AGAP1: variants seen among roughly 807,000 people sequenced by gnomAD.
AGAP1 encodes arf-GAP with GTPase, ANK repeat and PH domain-containing protein 1.
A neutral mutation model predicts 105.3 loss-of-function variants in AGAP1; 29 were observed. That is an observed-to-expected ratio of 0.28 (90% CI 0.21 to 0.38). The LOEUF (loss-of-function observed/expected upper bound fraction) is 0.38. Among genes scored for constraint, AGAP1 ranks in the 10% least tolerant of loss-of-function variants. The pLI is 1.00. For synonymous variants in AGAP1, 509 were observed against 485.9 expected (o/e 1.05, Z -0.63); for missense variants, 998 against 1,165.1 (o/e 0.86, Z 2.09).
Position 235,989,147 on chromosome 2 carries a change from G to T in AGAP1, c.1645+20524G>T, listed in dbSNP as rs910005453. 6.6e-6 allele frequency among the ~76,000 whole-genome samples: 1 copy of T among 152,192 alleles called. No homozygotes were observed. The highest frequency in any genetic ancestry group is 1.9e-4 in the East Asian group (1 of 5,188). ...TGGTTGTTGTTATTTAAAACTGCAA[G>T]ACGTAGGCAATACCAGGTCTTAACA... is the stretch of plus-strand genomic sequence containing the variant. On this transcript the variant is annotated intron_variant, in intron 13 of 17. Coordinates refer to ENST00000304032, the MANE Select transcript of AGAP1 (RefSeq NM_001037131.3). This position sits in a 1 kb window ranked among gnomAD's most constrained non-coding sequence, Gnocchi z 4.4.
rs1260946097 is a variant in AGAP1, at chr2:235,965,247, G to A, written c.1484-3215G>A. On this transcript the variant is annotated intron_variant, in intron 12 of 17. Coordinates refer to ENST00000304032, the MANE Select transcript of AGAP1 (RefSeq NM_001037131.3). The surrounding 1 kb of genome is among the most constrained non-coding windows in gnomAD (Gnocchi z 5.8). ...TTGGGAGCCGGCTGCCGGGAAGAGA[G>A]GGTCAGGTAGAGCCAAGCCTGGAAC... is the stretch of plus-strand genomic sequence containing the variant. 6.6e-6 allele frequency among the ~76,000 whole-genome samples: 1 copy of A among 152,180 alleles called. No individual in the cohort carries two copies. The highest frequency in any genetic ancestry group is 1.5e-5 in the Non-Finnish European group (1 of 68,036).
rs534154925 is a variant in AGAP1, at chr2:235,552,920, C to T, written c.163+58071C>T. 8.5e-5 allele frequency among the ~76,000 whole-genome samples: 13 copies of T among 152,284 alleles called. No individual in the cohort carries two copies. In the South Asian group the frequency reaches 1.9e-3, roughly 22 times the overall value. ...GCAGAGAGGCAGCGCCTGCCTTGGTCGTAACTTCTCACACACATACATCCA... is the reference window on the plus strand; with the variant it reads ...GCAGAGAGGCAGCGCCTGCCTTGGTTGTAACTTCTCACACACATACATCCA... On this transcript the variant is annotated intron_variant, in intron 1 of 17. Coordinates refer to ENST00000304032, the MANE Select transcript of AGAP1 (RefSeq NM_001037131.3). The surrounding 1 kb of genome is among the most constrained non-coding windows in gnomAD (Gnocchi z 5.9).
rs551527970 is a variant in AGAP1 at position 236,115,301 on chromosome 2, A to G, written c.2115-4891A>G. ...AATGCGTGATCCCAAATCCCAAAAC[A>G]GCCCTGCCTTGTGTAGATGTCACTG... On this transcript the variant is annotated intron_variant, in intron 16 of 17. Transcript: ENST00000304032. 5.1e-4 allele frequency among the ~76,000 whole-genome samples: 78 copies of G among 152,326 alleles called. 1 individual carries two copies. The highest frequency in any genetic ancestry group is 1.8e-3 in the African/African-American group (76 of 41,584).
intron 1 of AGAP1, among the ~76,000 whole-genome samples, chr2:235,643,466 A>T (rs563929494): frequency 4.0e-5 from 6 of 148,960 alleles, no homozygotes; most frequent in Admixed American, 2.0e-4. Flanking sequence ...AAAAAGAAAG[A>T]AAGTTTAAAG....
rs1957025597 is a variant in AGAP1 at position 235,792,285 on chromosome 2, AC to A, written c.674-5471del. Among the ~76,000 whole-genome samples, 1 of 151,024 alleles carries A rather than the reference AC, an allele frequency of 6.6e-6. No homozygotes were observed. The highest frequency in any genetic ancestry group is 1.5e-5 in the Non-Finnish European group (1 of 67,772). ...TAGTTCTCTGCCCCCACTTTTCCCCACCCTTCACGTGTCATCTGGTCCCCCA... is the reference window on the plus strand; with the variant it reads ...TAGTTCTCTGCCCCCACTTTTCCCCACCTTCACGTGTCATCTGGTCCCCCA... On this transcript the variant is annotated intron_variant, in intron 6 of 17. Transcript: ENST00000304032. The surrounding 1 kb of genome is among the most constrained non-coding windows in gnomAD (Gnocchi z 5.3).
rs2049477795 is a variant in AGAP1, at chr2:235,872,145, G to C, written c.1051-11200G>C. On this transcript the variant is annotated intron_variant, in intron 9 of 17. Coordinates refer to ENST00000304032, the MANE Select transcript of AGAP1 (RefSeq NM_001037131.3). The surrounding 1 kb of genome is among the most constrained non-coding windows in gnomAD (Gnocchi z 4.5). ...AGGTGTCATATCAATTCCTGTCCAT[G>C]AAATGAGGATAATCAATGACCATCT... Among the ~76,000 whole-genome samples, 1 of 152,194 alleles carries C rather than the reference G, an allele frequency of 6.6e-6. No homozygotes were observed. The highest frequency in any genetic ancestry group is 2.1e-4 in the South Asian group (1 of 4,830).
chr2:235,939,336 G>T (rs1231993455), intron 12 of AGAP1, among the ~76,000 whole-genome samples: 1 of 151,938 alleles, frequency 6.6e-6, no homozygotes, highest in African/African-American at 2.4e-5. Context: ...TGTATGATCT[G>T]TTCCTGCTTG....
chr2:235,620,782 C>T lies in AGAP1; in HGVS notation c.164-88397C>T, dbSNP rs573572440. On this transcript the variant is annotated intron_variant, in intron 1 of 17. Transcript: ENST00000304032. This position sits in a 1 kb window ranked among gnomAD's most constrained non-coding sequence, Gnocchi z 4.5. ...CAATGCTAGGCCCTTTGTCGATGTTCGTTAGGCATGCAGGTGAACAAGTGA... is the reference window on the plus strand; with the variant it reads ...CAATGCTAGGCCCTTTGTCGATGTTTGTTAGGCATGCAGGTGAACAAGTGA... Among the ~76,000 whole-genome samples, 18 of 152,330 alleles carry T rather than the reference C, an allele frequency of 1.2e-4. No homozygotes were observed. Among genetic ancestry groups the T allele is most frequent in the Non-Finnish European group, 2.1e-4 (14 of 68,038 alleles).
Position 235,936,545 on chromosome 2 carries a change from A to G in AGAP1, c.1483+5622A>G, listed in dbSNP as rs191687964. On this transcript the variant is annotated intron_variant, in intron 12 of 17. Coordinates refer to ENST00000304032, the MANE Select transcript of AGAP1 (RefSeq NM_001037131.3). The surrounding 1 kb of genome is among the most constrained non-coding windows in gnomAD (Gnocchi z 4.7). ...TGTCCCACACTTACTTTCGGAGCCAATGCATTTGAACCACACTTTCCAGCA... is the reference window on the plus strand; with the variant it reads ...TGTCCCACACTTACTTTCGGAGCCAGTGCATTTGAACCACACTTTCCAGCA... Among the ~76,000 whole-genome samples the G allele has an allele frequency of 7.9e-4, 121 of 152,284 alleles. No individual in the cohort carries two copies. The highest frequency in any genetic ancestry group is 4.4e-3 in the South Asian group (21 of 4,822).
intron 12 of AGAP1, among the ~76,000 whole-genome samples, chr2:235,946,234 TTATG>T (rs2053494143): frequency 6.7e-6 from 1 of 149,942 alleles, no homozygotes; most frequent in Non-Finnish European, 1.5e-5. Context: ...GTGTGTGTGG[TTATG>T]TGTTTATTCC....
chr2:235,842,417 G>A lies in AGAP1; in HGVS notation c.1050+35086G>A, dbSNP rs1450646906. Among the ~76,000 whole-genome samples, 1 of 152,184 alleles carries A rather than the reference G, an allele frequency of 6.6e-6. No individual in the cohort carries two copies. Among genetic ancestry groups the A allele is most frequent in the Non-Finnish European group, 1.5e-5 (1 of 68,040 alleles). ...CGCATTGCCGTTGTCCCAGATAATT[G>A]AATAGGTTGTTTTCTCTGGTCACCG... On this transcript the variant is annotated intron_variant, in intron 9 of 17. Coordinates refer to ENST00000304032, the MANE Select transcript of AGAP1 (RefSeq NM_001037131.3). The surrounding 1 kb of genome is among the most constrained non-coding windows in gnomAD (Gnocchi z 5.3).
chr2:235,829,736 G>A (rs1959195635), intron 9 of AGAP1, among the ~76,000 whole-genome samples: 1 of 152,198 alleles, frequency 6.6e-6, no homozygotes, highest in South Asian at 2.1e-4. Context: ...CCAGCCTGAT[G>A]GTATCGTCCA....
intron 9 of AGAP1, among the ~76,000 whole-genome samples, chr2:235,823,757 T>G (rs998020245): frequency 6.6e-6 from 1 of 152,206 alleles, no homozygotes; most frequent in Non-Finnish European, 1.5e-5. Flanking sequence ...TCATGCTGTT[T>G]TATCTGTTTT....
In AGAP1 at chr2:236,012,946, C is replaced by T. The variant is rs1413165524; in HGVS notation, c.1646-23615C>T. On this transcript the variant is annotated intron_variant, in intron 13 of 17. Transcript: ENST00000304032. This position sits in a 1 kb window ranked among gnomAD's most constrained non-coding sequence, Gnocchi z 4.9. ...ATTTTTAGTAGAGACGGTGTTTTGC[C>T]ATGTTGGCCAGGCTGGTTTCGAACT... Among the ~76,000 whole-genome samples the T allele has an allele frequency of 3.3e-5, 5 of 152,176 alleles. No individual in the cohort carries two copies. In the East Asian group the frequency reaches 5.8e-4, roughly 18 times the overall value.
chr2:236,037,741 G>A (rs532165900), intron 14 of AGAP1, among the ~76,000 whole-genome samples: 2 of 152,232 alleles, frequency 1.3e-5, no homozygotes, highest in East Asian at 3.9e-4. Context: ...GCCCAGTGAT[G>A]TTCCTTCTAC....
chr2:235,595,248 A>G (rs1945487496), intron 1 of AGAP1, among the ~76,000 whole-genome samples: 2 of 152,194 alleles, frequency 1.3e-5, no homozygotes, highest in African/African-American at 4.8e-5. Context: ...TGATGCCTGG[A>G]AACAGCTCCT....
rs928149334 is a variant in AGAP1 at position 235,589,194 on chromosome 2, G to GTTTTTTTT, written c.163+94366_163+94373dup. On this transcript the variant is annotated intron_variant, in intron 1 of 17. Transcript: ENST00000304032. Reference sequence around the variant, plus strand: ...CTACCAGTTAATAGCTTATTGTTTTGTTTTTTTTTTTTTTTTTTTTTTTTT... The same window carrying GTTTTTTTT: ...CTACCAGTTAATAGCTTATTGTTTTGTTTTTTTTTTTTTTTTTTTTTTTTTTTTTTTTT... 2.0e-3 allele frequency among the ~76,000 whole-genome samples: 122 copies of GTTTTTTTT among 59,580 alleles called. 6 individuals carry two copies. The highest frequency in any genetic ancestry group is 4.7e-3 in the African/African-American group (59 of 12,544). The allele number at this position is 59,580 out of a possible 152,430, so 39.1% of individuals were successfully genotyped here. A position where few individuals can be genotyped will look rare whatever the true frequency, so the allele number is the denominator to read the frequency against.
intron 6 of AGAP1, among the ~76,000 whole-genome samples, chr2:235,776,013 A>C (rs147856537): frequency 1.3e-5 from 2 of 152,276 alleles, no homozygotes; most frequent in East Asian, 3.9e-4. Flanking sequence ...TTCCTAGTTT[A>C]ATAGGAAGTG....
chr2:235,971,776 T>G lies in AGAP1; in HGVS notation c.1645+3153T>G, dbSNP rs185470489. Among the ~76,000 whole-genome samples the G allele has an allele frequency of 6.9e-5, 10 of 145,958 alleles. No individual in the cohort carries two copies. Among genetic ancestry groups the G allele is most frequent in the African/African-American group, 2.6e-4 (10 of 38,130 alleles). On this transcript the variant is annotated intron_variant, in intron 13 of 17. Coordinates refer to ENST00000304032, the MANE Select transcript of AGAP1 (RefSeq NM_001037131.3). This position sits in a 1 kb window ranked among gnomAD's most constrained non-coding sequence, Gnocchi z 4.8. ...TTATTTATTTATTTATTTATTTATT[T>G]ATTTATTTATTGTATTTTTTGAGAC...
Sources: allele counts gnomAD v4.1 joint callset (sites outside exome capture counted in the v4.1 genomes callset), GRCh38; gene constraint gnomAD v4.1.1; non-coding constraint Gnocchi (gnomAD v3.1); transcripts MANE v1.5; gene names NCBI Gene and HGNC (gene_info 2026-07-23, HGNC 2026-07-21).